The following ARID5B variants were observed in gnomAD, a reference collection of about 807,000 sequenced individuals.
ARID5B encodes AT-rich interactive domain-containing protein 5B.
In ARID5B, 13 loss-of-function variants were observed where a neutral mutation model predicts 97.2. The observed-to-expected ratio is 0.13, with a 90% CI of 0.09 to 0.21. ARID5B has a LOEUF of 0.21. ARID5B is among the 10% of genes least tolerant of loss of function. The probability of loss-of-function intolerance (pLI) is 1.00; values close to 1 mark genes in which losing one functional copy is unlikely to be tolerated. For synonymous variants in ARID5B, 556 were observed against 570.3 expected, an observed-to-expected ratio of 0.97 and a Z score of 0.36; for missense variants, 1,210 against 1,465.3, an observed-to-expected ratio of 0.83 and a Z score of 2.84.
chr10:61,987,288 A>G (rs1564620789), intron 3 of ARID5B, among the ~76,000 whole-genome samples: 2 of 152,186 alleles, frequency 1.3e-5, no homozygotes, highest in African/African-American at 4.8e-5. Flanking sequence ...ATGAGAACAG[A>G]GGGACAGTGA....
intron 2 of ARID5B, among the ~76,000 whole-genome samples, chr10:61,903,497 T>G (rs936396636): frequency 1.3e-5 from 2 of 151,928 alleles, no homozygotes; most frequent in Non-Finnish European, 2.9e-5. Context: ...GGGGAGTCTG[T>G]GCCCACGGCG....
intron 4 of ARID5B, among the ~76,000 whole-genome samples, chr10:62,002,717 C>T (rs908110537): frequency 1.3e-5 from 2 of 152,160 alleles, no homozygotes; most frequent in Non-Finnish European, 2.9e-5. Context: ...GGTGGAAGAA[C>T]ATAAATTTAA....
chr10:62,088,803 C>T (rs577164251), intron 9 of ARID5B, among the ~76,000 whole-genome samples: 13 of 152,194 alleles, frequency 8.5e-5, no homozygotes, highest in South Asian at 2.1e-4. Context: ...CAATATGAAG[C>T]GGTGAACTCA....
intron 8 of ARID5B, among the ~76,000 whole-genome samples, chr10:62,084,823 A>G (rs1319707673): frequency 4.6e-5 from 7 of 152,142 alleles, no homozygotes; most frequent in Admixed American, 2.0e-4. Flanking sequence ...AAATGCTTGA[A>G]ATTTTCAGGC....
Position 61,940,358 on chromosome 10 carries a change from T to A in ARID5B, c.452T>A (p.Leu151Gln), listed in dbSNP as rs749741986. Residue 151 changes from leucine to glutamine, a missense_variant, in exon 3 of 10, where the codon CTA becomes CAA. Leu to Gln is a moderately radical substitution (Grantham distance 113, BLOSUM62 -2). This residue lies in a region of ARID5B where 82 missense variants were observed against 79.3 expected (regional missense o/e 1.03). Transcript: ENST00000279873. ...CTGCTGAAGTACAGGCAGTCAACCC[T>A]AAACAGTGGACTCAACTTCAAAGAC... ...EALLKYRQST[L>Q]NSGLNFKDVL... is the part of the protein sequence containing the mutation. 6.2e-7 allele frequency: 1 copy of A among 1,614,128 alleles called. No homozygotes were observed.
At chr10:61,930,945 C>A (rs1211902539) in intron 2 of ARID5B, among the ~76,000 whole-genome samples, 1 of 152,022 alleles carries the variant, frequency 6.6e-6, no homozygotes, top group Non-Finnish European at 1.5e-5. Context: ...AGTCTCATGG[C>A]TTCTGCCAAC....
chr10:61,911,939 G>A (rs559518826), intron 2 of ARID5B, among the ~76,000 whole-genome samples: 7 of 152,236 alleles, frequency 4.6e-5, no homozygotes, highest in Admixed American at 2.6e-4. Context: ...ACTGGAAGTT[G>A]GGTTTCTAAC....
In ARID5B at chr10:62,031,038, A is replaced by T. The variant is rs796521411; in HGVS notation, c.734-19850A>T. Among the ~76,000 whole-genome samples the T allele has an allele frequency of 2.1e-4, 32 of 152,214 alleles. 1 individual carries two copies. Among genetic ancestry groups the T allele is most frequent in the African/African-American group, 7.5e-4 (31 of 41,552 alleles). On this transcript the variant is annotated intron_variant, in intron 4 of 9. Transcript: ENST00000279873. The stretch of plus-strand genomic sequence containing the variant: ...ATCACGAGGTCAGGAGATCGAGACC[A>T]TCCTGGCCAACATGGTGAAACCCCA...
chr10:61,924,238 G>T (rs1373567365), intron 2 of ARID5B, among the ~76,000 whole-genome samples: 1 of 152,194 alleles, frequency 6.6e-6, no homozygotes, highest in African/African-American at 2.4e-5. Context: ...TCAGGCGGTT[G>T]TAGTTGCTTG....
chr10:61,934,842 G>A (rs568159173), intron 2 of ARID5B, among the ~76,000 whole-genome samples: 1 of 151,772 alleles, frequency 6.6e-6, no homozygotes, highest in Non-Finnish European at 1.5e-5. Flanking sequence ...GTGAAACCCC[G>A]TCTCTACTAA....
In ARID5B at chr10:62,092,947, A is replaced by G. The variant is rs1170636997; in HGVS notation, c.3484A>G (p.Ile1162Val). 6.2e-7 allele frequency: 1 copy of G among 1,614,150 alleles called. No homozygotes were observed. Among genetic ancestry groups the G allele is most frequent in the Admixed American group, 1.7e-5 (1 of 60,024 alleles). Residue 1162 changes from isoleucine to valine, a missense_variant, in exon 10 of 10, where the codon ATT becomes GTT. By Grantham distance (29) the Ile-to-Val change is conservative. This residue lies in a region of ARID5B where 54 missense variants were observed against 67.4 expected (regional missense o/e 0.80). Transcript: ENST00000279873. ...ATATGGGGACCTTTTGCATAACAGCATTTACCCTTTAGCTGCTATAAATCC... is the reference window on the plus strand; with the variant it reads ...ATATGGGGACCTTTTGCATAACAGCGTTTACCCTTTAGCTGCTATAAATCC... Reference protein sequence around the residue: ...SSYGDLLHNSIYPLAAINPQA... With the variant: ...SSYGDLLHNSVYPLAAINPQA...
At chr10:62,016,768 C>T (rs188766752) in intron 4 of ARID5B, among the ~76,000 whole-genome samples, 8 of 152,306 alleles carry the variant, frequency 5.3e-5, no homozygotes, top group East Asian at 1.9e-4. Context: ...ATACTATTTT[C>T]AACTCCTGTT....
At chr10:61,998,786 A>G (rs1839036698) in intron 3 of ARID5B, among the ~76,000 whole-genome samples, 1 of 152,162 alleles carries the variant, frequency 6.6e-6, no homozygotes, top group African/African-American at 2.4e-5. Context: ...GAGTATGGGT[A>G]TGGGGAGGGT....
At chr10:62,089,078 C>A (rs1840331403) in intron 9 of ARID5B, among the ~76,000 whole-genome samples, 1 of 152,160 alleles carries the variant, frequency 6.6e-6, no homozygotes, top group African/African-American at 2.4e-5. Context: ...CCTCATTGCC[C>A]TGCGTCAAAC....
rs1345465260 is a variant in ARID5B at position 61,902,635 on chromosome 10, A to G, written c.276+222A>G. Among the ~76,000 whole-genome samples the G allele has an allele frequency of 2.0e-5, 3 of 151,968 alleles. No homozygotes were observed. In the East Asian group the frequency reaches 5.8e-4, roughly 29 times the overall value. ...AGGATCCAACTGCTGATTTTAGTCA[A>G]GATCAAATAACTTGTTCGAGAAGGG... On this transcript the variant is annotated intron_variant, in intron 2 of 9. Coordinates refer to ENST00000279873, the MANE Select transcript of ARID5B (RefSeq NM_032199.3).
intron 8 of ARID5B, among the ~76,000 whole-genome samples, chr10:62,079,170 C>T (rs935282967): frequency 1.4e-4 from 21 of 152,306 alleles, no homozygotes; most frequent in Non-Finnish European, 2.4e-4. Flanking sequence ...AGTATCTCCT[C>T]CGTGTTGGTA....
intron 9 of ARID5B, among the ~76,000 whole-genome samples, chr10:62,090,045 C>A (rs1029828799): frequency 1.3e-5 from 2 of 152,160 alleles, no homozygotes; most frequent in Non-Finnish European, 2.9e-5. Flanking sequence ...GAATTGGTAC[C>A]CACAACTTCT....
intron 4 of ARID5B, among the ~76,000 whole-genome samples, chr10:62,036,792 C>T (rs1564633356): frequency 6.6e-6 from 1 of 152,148 alleles, no homozygotes; most frequent in Non-Finnish European, 1.5e-5. Context: ...CAGAGTCTGT[C>T]GCAGCTCTGC....
intron 3 of ARID5B, among the ~76,000 whole-genome samples, chr10:61,963,501 A>C (rs1475611810): frequency 6.6e-6 from 1 of 152,020 alleles, no homozygotes; most frequent in Non-Finnish European, 1.5e-5. Flanking sequence ...GACTGCACCC[A>C]GAACCACTGT....
Sources: allele counts gnomAD v4.1 joint callset (sites outside exome capture counted in the v4.1 genomes callset), GRCh38; gene constraint gnomAD v4.1.1; regional missense constraint gnomAD v4.1.1; transcripts MANE v1.5; gene names NCBI Gene and HGNC (gene_info 2026-07-23, HGNC 2026-07-21).